PTPN1: variants seen among roughly 807,000 people sequenced by gnomAD.
PTPN1 encodes tyrosine-protein phosphatase non-receptor type 1.
Under a neutral mutation model 59.9 loss-of-function variants are expected in PTPN1, and 12 were observed. That is an observed-to-expected ratio of 0.20 (90% CI 0.13 to 0.32). The LOEUF is 0.32. PTPN1 is among the 10% of genes least tolerant of loss of function. The pLI is 1.00. For synonymous variants in PTPN1, 178 were observed against 203.6 expected, an observed-to-expected ratio of 0.87 and a Z score of 1.07; for missense variants, 356 against 549.2, an observed-to-expected ratio of 0.65 and a Z score of 3.52.
intron 2 of PTPN1, among the ~76,000 whole-genome samples, chr20:50,564,027 T>G (rs566320908): frequency 6.2e-4 from 95 of 152,246 alleles, no homozygotes; most frequent in Non-Finnish European, 1.2e-3. Flanking sequence ...GCTCTGAATT[T>G]TAAAAATTTA....
chr20:50,563,104 G>GT (rs1555830726), intron 2 of PTPN1: 1 of 71,208 alleles, frequency 1.4e-5, no homozygotes, highest in Non-Finnish European at 2.8e-5. Context: ...TACTTGACTA[G>GT]CCAAAAAAAA....
At chr20:50,544,643 TCCCACTGGGCCAGCGGGGCTCAAA>T (rs1251628631) in intron 1 of PTPN1, among the ~76,000 whole-genome samples, 1 of 152,100 alleles carries the variant, frequency 6.6e-6, no homozygotes, top group Admixed American at 6.5e-5. Flanking sequence ...AGGAGCAGGT[TCCCACTGGGCCAGCGGGGCTCAAA>T]CCCACTGGGG....
At chr20:50,515,341 G>T (rs139976217) in intron 1 of PTPN1, among the ~76,000 whole-genome samples, 11 of 152,302 alleles carry the variant, frequency 7.2e-5, no homozygotes, top group African/African-American at 2.4e-4. Flanking sequence ...CTTCCAGCTC[G>T]AATGTGTGCT....
At chr20:50,531,568 G>T (rs1334610537) in intron 1 of PTPN1, among the ~76,000 whole-genome samples, 1 of 152,108 alleles carries the variant, frequency 6.6e-6, no homozygotes, top group Non-Finnish European at 1.5e-5. Flanking sequence ...GTAGAAACGG[G>T]GTTTCACCAT....
At chr20:50,570,076 G>A (rs1204100099) in intron 4 of PTPN1, among the ~76,000 whole-genome samples, 1 of 152,232 alleles carries the variant, frequency 6.6e-6, no homozygotes, top group Non-Finnish European at 1.5e-5. Context: ...AAGAAGGTGA[G>A]GGCTCCAGAG....
chr20:50,516,133 G>A (rs2082527947), intron 1 of PTPN1, among the ~76,000 whole-genome samples: 1 of 152,134 alleles, frequency 6.6e-6, no homozygotes, highest in African/African-American at 2.4e-5. Context: ...AGCCTAGCGG[G>A]CCTTTGCATG....
At chr20:50,578,339 G>T in intron 5 of PTPN1, 81 bp from the exon 6 acceptor site, 1 of 1,221,252 alleles carries the variant, frequency 8.2e-7, no homozygotes, top group East Asian at 2.3e-5. Flanking sequence ...AGAGTGGAAG[G>T]TGACTCTGTG....
intron 1 of PTPN1, among the ~76,000 whole-genome samples, chr20:50,527,950 A>G (rs913159983): frequency 6.6e-6 from 1 of 152,068 alleles, no homozygotes; most frequent in Non-Finnish European, 1.5e-5. Flanking sequence ...GAGCCATCTC[A>G]TTCACTCACC....
At chr20:50,531,817 C>G (rs908085377) in intron 1 of PTPN1, among the ~76,000 whole-genome samples, 1 of 152,190 alleles carries the variant, frequency 6.6e-6, no homozygotes, top group Non-Finnish European at 1.5e-5. Flanking sequence ...CCATACTCTT[C>G]GTCCTGCTTC....
At chr20:50,536,481 A>AAAGGAGCTTTGAGCTTGTTTG (rs2082624646) in intron 1 of PTPN1, among the ~76,000 whole-genome samples, 1 of 152,244 alleles carries the variant, frequency 6.6e-6, no homozygotes, top group Non-Finnish European at 1.5e-5. Context: ...AAGTGTTTAC[A>AAAGGAGCTTTGAGCTTGTTTG]AAGGAGCTTT....
chr20:50,575,940 TA>T (rs1288175142), intron 5 of PTPN1, among the ~76,000 whole-genome samples: 1 of 151,528 alleles, frequency 6.6e-6, no homozygotes, highest in Non-Finnish European at 1.5e-5. Context: ...AATAAATAAA[TA>T]AAAAAAATAG....
rs1246414151 is a variant in PTPN1 at position 50,510,556 on chromosome 20, T to A, written c.29T>A (p.Ile10Asn). 6.4e-7 allele frequency: 1 copy of A among 1,550,696 alleles called. No homozygotes were observed. The highest frequency in any genetic ancestry group is 1.2e-5 in the South Asian group (1 of 83,956). Residue 10 changes from isoleucine (I) to asparagine (N), a missense_variant, in exon 1 of 10, where the codon ATC (isoleucine) becomes AAC (asparagine). Around this residue, in one of 3 missense-constraint regions of PTPN1, gnomAD observed 194 missense variants for 344.2 expected, o/e 0.56. Coordinates refer to ENST00000371621, the MANE Select transcript of PTPN1 (RefSeq NM_002827.4). MEMEKEFEQIDKSGSWAAIY... is the reference protein window; with the variant it reads MEMEKEFEQNDKSGSWAAIY... ...GAGATGGAAAAGGAGTTCGAGCAGATCGACAAGTCCGGGAGCTGGGCGGCC... is the reference window on the plus strand; with the variant it reads ...GAGATGGAAAAGGAGTTCGAGCAGAACGACAAGTCCGGGAGCTGGGCGGCC...
At chr20:50,520,758 T>C (rs1356904666) in intron 1 of PTPN1, among the ~76,000 whole-genome samples, 1 of 152,168 alleles carries the variant, frequency 6.6e-6, no homozygotes, top group Non-Finnish European at 1.5e-5. Context: ...GGAGGGGACA[T>C]GTGAGGTCAT....
intron 2 of PTPN1, chr20:50,563,080 C>T (rs1168889420): frequency 6.9e-6 from 1 of 144,860 alleles, no homozygotes; most frequent in Non-Finnish European, 1.5e-5. Flanking sequence ...GTTCCTTCTC[C>T]ATCCCCACTG....
chr20:50,565,142 A>G (rs2082772939), intron 3 of PTPN1, 73 bp downstream of exon 3: 2 of 1,443,224 alleles, frequency 1.4e-6, no homozygotes, highest in Non-Finnish European at 1.9e-6. Context: ...CACACCTCAA[A>G]TAAAATCTGC....
intron 2 of PTPN1, among the ~76,000 whole-genome samples, chr20:50,561,707 G>A (rs912812708): frequency 2.0e-5 from 3 of 152,190 alleles, no homozygotes; most frequent in African/African-American, 7.2e-5. Context: ...AGCTTTGACT[G>A]TTTTTGTGAT....
At chr20:50,535,618 A>G (rs2082621294) in intron 1 of PTPN1, among the ~76,000 whole-genome samples, 1 of 152,232 alleles carries the variant, frequency 6.6e-6, no homozygotes, top group South Asian at 2.1e-4. Context: ...AACAGTGTTT[A>G]GCTTCTGACA....
At chr20:50,529,667 C>T (rs1386389862) in intron 1 of PTPN1, among the ~76,000 whole-genome samples, 1 of 152,108 alleles carries the variant, frequency 6.6e-6, no homozygotes, top group African/African-American at 2.4e-5. Flanking sequence ...TTGTGGATCT[C>T]AACTTTCCCC....
intron 1 of PTPN1, among the ~76,000 whole-genome samples, chr20:50,547,868 G>A (rs1050231765): frequency 2.6e-5 from 4 of 152,114 alleles, no homozygotes; most frequent in African/African-American, 9.7e-5. Context: ...CTTTATAAAC[G>A]ATTTAGGGTC....
Sources: gnomAD v4.1 joint callset for allele counts (sites outside exome capture counted in the v4.1 genomes callset) on GRCh38, gnomAD v4.1.1 for gene constraint, gnomAD v4.1.1 regional missense constraint, MANE v1.5 for transcripts, NCBI Gene and HGNC (gene_info 2026-07-23, HGNC 2026-07-21) for gene names.